The following AZGP1 variants were observed in gnomAD, a reference collection of about 807,000 sequenced individuals.
The protein encoded by AZGP1 is alpha-2-glycoprotein 1, zinc-binding.
A neutral mutation model predicts 31.5 loss-of-function variants in AZGP1; 28 were observed. The ratio of observed to expected loss-of-function variants is 0.89; its 90% CI spans 0.66 to 1.22. The LOEUF is 1.22. Among genes scored for constraint, AZGP1 ranks in the 50% most tolerant of loss-of-function variants. The probability of loss-of-function intolerance (pLI) is 0.00; values close to 1 mark genes in which losing one functional copy is unlikely to be tolerated. For synonymous variants in AZGP1, 135 were observed against 145.4 expected (o/e 0.93, Z 0.51); for missense variants, 361 against 371.8 (o/e 0.97, Z 0.24).
intron 2 of AZGP1, among the ~76,000 whole-genome samples, chr7:99,971,103 C>T (rs943350371): frequency 4.6e-5 from 7 of 152,206 alleles, no homozygotes; most frequent in Non-Finnish European, 7.3e-5. Flanking sequence ...GCATGGGCTA[C>T]GGTGTGTGCT....
At position 99,966,958 on chromosome 7, in the gene AZGP1, C is replaced by A. The variant is rs763621102; in HGVS notation, c.*45G>T. ...CAGCTCCCACATCAGGCAGGAAGGG[C>A]AGCTACTGGGTCTGAGATCCCACAT... On this transcript the variant is annotated 3_prime_UTR_variant, in exon 4 of 4. Transcript: ENST00000292401. The A allele has an allele frequency of 2.5e-6, 4 of 1,590,110 alleles. No homozygotes were observed. The South Asian group carries it at 4.6e-5, about 18-fold the overall frequency.
intron 2 of AZGP1, chr7:99,971,464 G>A (rs1031831560): frequency 2.6e-6 from 1 of 385,118 alleles, no homozygotes; most frequent in Non-Finnish European, 4.7e-6. Context: ...GATGGGTGGG[G>A]TGTGGAGGTG....
chr7:99,967,798 A>G, intron 3 of AZGP1: 1 of 532,814 alleles, frequency 1.9e-6, no homozygotes, highest in South Asian at 2.7e-5. Context: ...GAGATAAAAA[A>G]CGATGGGATT....
chr7:99,970,056 C>A (rs543264640), intron 2 of AZGP1, among the ~76,000 whole-genome samples: 3 of 152,034 alleles, frequency 2.0e-5, no homozygotes, highest in Non-Finnish European at 2.9e-5. Context: ...AGCCCCCCAC[C>A]CCCACCTGGT....
rs1342648236 is a variant in AZGP1, at chr7:99,967,063, G to A, written c.837C>T (p.Ser279=). 5 of 1,614,230 alleles carry A rather than the reference G, an allele frequency of 3.1e-6. No homozygotes were observed. Among genetic ancestry groups the A allele is most frequent in the Non-Finnish European group, 4.2e-6 (5 of 1,180,040 alleles). Residue 279 remains serine, a synonymous_variant, in exon 4 of 4, where the codon TCC becomes TCT. Transcript: ENST00000292401. ...CCAGGCTGCTGTGCTGCACGTGGCA[G>A]GAGTAGGGGGCTGTGTCCTGCGGGG... The part of the protein sequence containing the change: ...AVPPQDTAPY[S]CHVQHSSLAQ...
At chr7:99,967,469 A>C in intron 3 of AZGP1, 183 bp from the exon 4 acceptor site, 3 of 650,400 alleles carry the variant, frequency 4.6e-6, no homozygotes, top group Non-Finnish European at 7.8e-6. Flanking sequence ...CTCTTGCCCA[A>C]TCCCCACCTC....
In AZGP1 at chr7:99,968,159, C is replaced by A; in HGVS notation, c.609G>T (p.Arg203=). Residue 203 remains arginine, a synonymous_variant, in exon 3 of 4, where the codon CGG becomes CGT. Transcript: ENST00000292401. ...YLKYSKNILD[R]QDPPSVVVTS... ...GGAGCAGGAAGCAGTGAGTACCTTG[C>A]CGGTCCAGGATATTTTTGCTGTATT... 2 of 1,613,802 alleles carry A rather than the reference C, an allele frequency of 1.2e-6. No homozygotes were observed. Among genetic ancestry groups the A allele is most frequent in the Non-Finnish European group, 1.7e-6 (2 of 1,179,998 alleles).
chr7:99,968,962 C>CAAAAAAAAAAAAAAAAAAAA, intron 2 of AZGP1, among the ~76,000 whole-genome samples: 1 of 26,700 alleles, frequency 3.7e-5, no homozygotes, highest in Non-Finnish European at 6.1e-5. Context: ...GACCCTATCT[C>CAAAAAAAAAAAAAAAAAAAA]AAAAAAAAAA....
intron 1 of AZGP1, among the ~76,000 whole-genome samples, chr7:99,973,655 C>T (rs921991785): frequency 2.6e-5 from 4 of 151,696 alleles, no homozygotes; most frequent in Non-Finnish European, 4.4e-5. Flanking sequence ...GTGGCTCATG[C>T]CTGTAATTCC....
Position 99,968,358 on chromosome 7 carries a change from T to C in AZGP1, c.410A>G (p.Tyr137Cys). The stretch of plus-strand genomic sequence containing the variant: ...AATGTAGTCCTTTCCATCATAGTAA[T>C]ATTTCCAGAATGCTCCGCTGCTTCT... ...NNRSSGAFWK[Y>C]YYDGKDYIEF... The change falls in exon 3 of 4, where the codon TAT becomes TGT. Residue 137 changes from tyrosine to cysteine, a missense_variant. By Grantham distance (194) the Tyr-to-Cys change is radical (BLOSUM62 -2). Transcript: ENST00000292401. The C allele has an allele frequency of 1.2e-6, 2 of 1,613,702 alleles. No homozygotes were observed. Among genetic ancestry groups the C allele is most frequent in the Non-Finnish European group, 1.7e-6 (2 of 1,179,952 alleles).
At chr7:99,967,783 T>C (rs1789508309) in intron 3 of AZGP1, 1 of 511,036 alleles carries the variant, frequency 2.0e-6, no homozygotes, top group Non-Finnish European at 3.4e-6. Context: ...GGAGGCATCA[T>C]TGTAGAGATA....
chr7:99,971,648 T>C, intron 2 of AZGP1, 98 bp downstream of exon 2: 1 of 1,415,762 alleles, frequency 7.1e-7, no homozygotes, highest in Non-Finnish European at 9.7e-7. Flanking sequence ...TCCCCTGGGA[T>C]TGGGACTATT....
At chr7:99,967,349 T>A in intron 3 of AZGP1, 63 bp from the exon 4 acceptor site, 1 of 1,539,256 alleles carries the variant, frequency 6.5e-7, no homozygotes. Flanking sequence ...CCAGGTCTCT[T>A]CCTACCCCCA....
At chr7:99,972,369 C>T (rs1209045124) in intron 1 of AZGP1, among the ~76,000 whole-genome samples, 2 of 152,186 alleles carry the variant, frequency 1.3e-5, no homozygotes, top group Admixed American at 6.5e-5. Flanking sequence ...TGGCTTGTCC[C>T]TTTTGTTTCT....
rs971920058 is a variant in AZGP1, at chr7:99,968,021, C to T, written c.613+134G>A. On this transcript the variant is annotated intron_variant, in intron 3 of 3. Coordinates refer to ENST00000292401, the MANE Select transcript of AZGP1 (RefSeq NM_001185.4). ...TATTATCCCAGGGAAGGAATAAATCCTAAAAGATGAAAGCTGGGGGTCTGA... is the reference window on the plus strand; with the variant it reads ...TATTATCCCAGGGAAGGAATAAATCTTAAAAGATGAAAGCTGGGGGTCTGA... 4.9e-6 allele frequency: 6 copies of T among 1,224,478 alleles called. No homozygotes were observed. The African/African-American group carries it at 9.1e-5, about 19-fold the overall frequency. 75.9% of individuals were successfully genotyped at this position (1,224,478 alleles called of 1,614,324 possible).
rs188835997 is a variant in AZGP1, at chr7:99,975,670, C to A, written c.76+275G>T. On this transcript the variant is annotated intron_variant, in intron 1 of 3. Transcript: ENST00000292401. ...GTTCCTACTCCGTCCTGACTGTCTACCCCAAGCAGGTCGCTTGGTCTTTGG... is the reference window on the plus strand; with the variant it reads ...GTTCCTACTCCGTCCTGACTGTCTAACCCAAGCAGGTCGCTTGGTCTTTGG... Among the ~76,000 whole-genome samples, 612 of 152,280 alleles carry A rather than the reference C, an allele frequency of 4.0e-3. 3 individuals are homozygous for A. Among genetic ancestry groups the A allele is most frequent in the Non-Finnish European group, 6.0e-3 (411 of 68,022 alleles).
At position 99,966,983 on chromosome 7, in the gene AZGP1, T is replaced by G. The variant is rs922305541; in HGVS notation, c.*20A>C. The G allele has an allele frequency of 6.2e-7, 1 of 1,607,814 alleles. No individual in the cohort carries two copies. The highest frequency in any genetic ancestry group is 1.3e-5 in the African/African-American group (1 of 74,908). Reference sequence around the variant, plus strand: ...CAGCTACTGGGTCTGAGATCCCACATTGCCTCCAACCCTTGCTTCCTAGCT... The same window carrying G: ...CAGCTACTGGGTCTGAGATCCCACAGTGCCTCCAACCCTTGCTTCCTAGCT... On this transcript the variant is annotated 3_prime_UTR_variant, in exon 4 of 4. Transcript: ENST00000292401.
chr7:99,975,885 T>G (rs1385505299), intron 1 of AZGP1, 60 bp downstream of exon 1: 1 of 1,583,880 alleles, frequency 6.3e-7, no homozygotes, highest in Non-Finnish European at 8.7e-7. Context: ...CAGCCACATG[T>G]CCTGTTCCTC....
chr7:99,971,534 G>A (rs538384308), intron 2 of AZGP1: 21 of 598,474 alleles, frequency 3.5e-5, no homozygotes, highest in East Asian at 5.9e-5. Flanking sequence ...GTGACCTGAG[G>A]CCTGGGATGA....
Sources: gnomAD v4.1 joint callset for allele counts (sites outside exome capture counted in the v4.1 genomes callset) on GRCh38, gnomAD v4.1.1 for gene constraint, MANE v1.5 for transcripts, NCBI Gene and HGNC (gene_info 2026-07-23, HGNC 2026-07-21) for gene names.